Variants in SOX17 observed in about 807,000 individuals in gnomAD.
The protein encoded by SOX17 is transcription factor SOX-17.
A neutral mutation model predicts 16.0 loss-of-function variants in SOX17; 4 were observed. The observed-to-expected ratio is 0.25, with a 90% confidence interval of 0.12 to 0.57. SOX17 has a LOEUF of 0.57. Among genes scored for constraint, SOX17 ranks in the 20% least tolerant of loss-of-function variants. The probability of loss-of-function intolerance (pLI) is 0.92; values close to 1 mark genes in which losing one functional copy is unlikely to be tolerated. For synonymous variants in SOX17, 357 were observed against 284.6 expected, an observed-to-expected ratio of 1.25 and a Z score of -2.56; for missense variants, 633 against 609.7, an observed-to-expected ratio of 1.04 and a Z score of -0.40.
At position 54,459,702 on chromosome 8, in the gene SOX17, C is replaced by T; in HGVS notation, c.952C>T (p.Gln318Ter). 6.5e-7 allele frequency: 1 copy of T among 1,542,538 alleles called. No homozygotes were observed. ...CGGCTTCCAGATGCAGCCGCAACAC[C>T]AGCACCAGCACCAGCACCAGCACCA... ...GRGFQMQPQH[Q>*]HQHQHQHHPP... The change falls in exon 2 of 2, where the codon CAG (glutamine) becomes TAG (stop). Residue 318 changes from glutamine (Q) to a stop codon, truncating the protein, a stop_gained. Transcript: ENST00000297316. LOFTEE classifies it high-confidence loss of function.
chr8:54,458,186 C>T lies in SOX17; in HGVS notation c.48C>T (p.Thr16=). ...ACGCCAGTGACGACCAGAGCCAGACCCAGAGCGCGCTGCCCGCGGTGATGG... is the reference window on the plus strand; with the variant it reads ...ACGCCAGTGACGACCAGAGCCAGACTCAGAGCGCGCTGCCCGCGGTGATGG... The part of the protein sequence containing the change: ...AGYASDDQSQ[T]QSALPAVMAG... The change falls in exon 1 of 2, where the codon ACC becomes ACT. Residue 16 remains threonine (T), a synonymous_variant. Transcript: ENST00000297316. 1.9e-6 allele frequency: 3 copies of T among 1,589,194 alleles called. No individual in the cohort carries two copies. The highest frequency in any genetic ancestry group is 2.6e-6 in the Non-Finnish European group (3 of 1,172,164).
chr8:54,459,481 A>G lies in SOX17; in HGVS notation c.731A>G (p.Asp244Gly). Residue 244 changes from aspartate (D) to glycine (G), a missense_variant, in exon 2 of 2, where the codon GAC (aspartate) becomes GGC (glycine). This residue lies in a region of SOX17 where 479 missense variants were observed against 397.2 expected (regional missense o/e 1.21). Transcript: ENST00000297316. ...PAFFAAPMPGDCPAAGTYSYA... is the reference protein window; with the variant it reads ...PAFFAAPMPGGCPAAGTYSYA... Reference sequence around the variant, plus strand: ...TTCTTCGCCGCCCCGATGCCCGGGGACTGCCCGGCGGCCGGCACCTACAGC... The same window carrying G: ...TTCTTCGCCGCCCCGATGCCCGGGGGCTGCCCGGCGGCCGGCACCTACAGC... 1.3e-6 allele frequency: 2 copies of G among 1,524,646 alleles called. No individual in the cohort carries two copies. Among genetic ancestry groups the G allele is most frequent in the Non-Finnish European group, 1.8e-6 (2 of 1,142,680 alleles). 94.4% of individuals were successfully genotyped at this position (1,524,646 alleles called of 1,614,324 possible).
Position 54,459,796 on chromosome 8 carries a change from G to A in SOX17, c.1046G>A (p.Ser349Asn), listed in dbSNP as rs1194638628. 1.2e-6 allele frequency: 2 copies of A among 1,608,300 alleles called. No individual in the cohort carries two copies. The highest frequency in any genetic ancestry group is 1.1e-5 in the South Asian group (1 of 90,348). ...ALPCRDGTDP[S>N]QPAELLGEVD... Reference sequence around the variant, plus strand: ...CCCTGCCGGGACGGCACGGACCCCAGTCAGCCCGCCGAGCTCCTCGGGGAG... The same window carrying A: ...CCCTGCCGGGACGGCACGGACCCCAATCAGCCCGCCGAGCTCCTCGGGGAG... The change falls in exon 2 of 2, where the codon AGT (serine) becomes AAT (asparagine). Residue 349 changes from serine (S) to asparagine (N), a missense_variant. Ser to Asn is a conservative substitution (Grantham distance 46). Around this residue, in one of 5 missense-constraint regions of SOX17, gnomAD observed 479 missense variants for 397.2 expected, o/e 1.21. Transcript: ENST00000297316.
At position 54,459,608 on chromosome 8, in the gene SOX17, C is replaced by A; in HGVS notation, c.858C>A (p.Leu286=). The A allele has an allele frequency of 6.5e-7, 1 of 1,540,860 alleles. No individual in the cohort carries two copies. Among genetic ancestry groups the A allele is most frequent in the Non-Finnish European group, 8.7e-7 (1 of 1,149,058 alleles). ...CCGCGGGTCCCTCGATTCCGGGCCTCCTGGCGCCACCCAGCGCCCTTCACG... is the reference window on the plus strand; with the variant it reads ...CCGCGGGTCCCTCGATTCCGGGCCTACTGGCGCCACCCAGCGCCCTTCACG... ...PEPAGPSIPG[L]LAPPSALHVY... is the part of the protein sequence containing the mutation. The change falls in exon 2 of 2, where the codon CTC becomes CTA. Residue 286 remains leucine, a synonymous_variant. Coordinates refer to ENST00000297316, the MANE Select transcript of SOX17 (RefSeq NM_022454.4).
Position 54,459,649 on chromosome 8 carries a change from T to G in SOX17, c.899T>G (p.Met300Arg). ...PSALHVYYGA[M>R]GSPGAGGGRG... ...GCCCTTCACGTGTACTACGGCGCGA[T>G]GGGCTCGCCCGGGGCGGGCGGCGGG... The change falls in exon 2 of 2, where the codon ATG becomes AGG. Residue 300 changes from methionine (M) to arginine (R), a missense_variant. Met to Arg is a moderately conservative substitution (Grantham distance 91). Coordinates refer to ENST00000297316, the MANE Select transcript of SOX17 (RefSeq NM_022454.4). 2 of 1,537,214 alleles carry G rather than the reference T, an allele frequency of 1.3e-6. No individual in the cohort carries two copies. The highest frequency in any genetic ancestry group is 1.7e-6 in the Non-Finnish European group (2 of 1,146,332).
Position 54,459,742 on chromosome 8 carries a change from G to A in SOX17, c.992G>A (p.Gly331Glu), listed in dbSNP as rs369076798. The A allele has an allele frequency of 3.2e-6, 5 of 1,567,872 alleles. No individual in the cohort carries two copies. The highest frequency in any genetic ancestry group is 4.3e-6 in the Non-Finnish European group (5 of 1,159,806). Reference protein sequence around the residue: ...HQHQHHPPGPGQPSPPPEALP... With the variant: ...HQHQHHPPGPEQPSPPPEALP... ...CACCAGCACCACCCCCCGGGCCCCGGACAGCCGTCGCCCCCTCCGGAGGCA... is the reference window on the plus strand; with the variant it reads ...CACCAGCACCACCCCCCGGGCCCCGAACAGCCGTCGCCCCCTCCGGAGGCA... Residue 331 changes from glycine (G) to glutamate (E), a missense_variant, in exon 2 of 2, where the codon GGA (glycine) becomes GAA (glutamate). This residue lies in a region of SOX17 where 479 missense variants were observed against 397.2 expected (regional missense o/e 1.21). Transcript: ENST00000297316.
In SOX17 at chr8:54,459,997, A is replaced by T. The variant is rs767116263; in HGVS notation, c.*2A>T. Reference sequence around the variant, plus strand: ...TACTGCAACTATCCTGACGTGTGACAGGTCCCTGATCCGCCCCAGCCTGCA... The same window carrying T: ...TACTGCAACTATCCTGACGTGTGACTGGTCCCTGATCCGCCCCAGCCTGCA... On this transcript the variant is annotated 3_prime_UTR_variant, in exon 2 of 2. Transcript: ENST00000297316. The T allele has an allele frequency of 1.9e-6, 3 of 1,613,578 alleles. No individual in the cohort carries two copies. In the African/African-American group the frequency reaches 4.0e-5, roughly 22 times the overall value.
At position 54,460,401 on chromosome 8, in the gene SOX17, A is replaced by G; in HGVS notation, c.*406A>G. 1 of 321,392 alleles carries G rather than the reference A, an allele frequency of 3.1e-6. No homozygotes were observed. 19.9% of individuals were successfully genotyped at this position (321,392 alleles called of 1,614,324 possible). On this transcript the variant is annotated 3_prime_UTR_variant, in exon 2 of 2. Coordinates refer to ENST00000297316, the MANE Select transcript of SOX17 (RefSeq NM_022454.4). Reference sequence around the variant, plus strand: ...TTTGCTCTACTAGTACCTCTGTCACACTAGTCTTATCAAAAACCAGTTCTT... The same window carrying G: ...TTTGCTCTACTAGTACCTCTGTCACGCTAGTCTTATCAAAAACCAGTTCTT...
chr8:54,459,343 A>C lies in SOX17; in HGVS notation c.593A>C (p.His198Pro). Residue 198 changes from histidine (H) to proline (P), a missense_variant, in exon 2 of 2, where the codon CAC becomes CCC. This residue lies in a region of SOX17 where 479 missense variants were observed against 397.2 expected (regional missense o/e 1.21). Coordinates refer to ENST00000297316, the MANE Select transcript of SOX17 (RefSeq NM_022454.4). ...FPAGPPLLPP[H>P]MGGHYRDCQS... ...GCCGGCCCGCCGCTGCTGCCTCCGC[A>C]CATGGGCGGCCACTACCGCGACTGC... is the stretch of plus-strand genomic sequence containing the variant. 1 of 1,551,926 alleles carries C rather than the reference A, an allele frequency of 6.4e-7. No individual in the cohort carries two copies.
intron 1 of SOX17, 29 bp from the exon 2 acceptor site, chr8:54,459,029 C>A (rs1430891432): frequency 6.4e-7 from 1 of 1,559,668 alleles, no homozygotes; most frequent in South Asian, 1.2e-5. Flanking sequence ...AAGCCCTGCG[C>A]CCCTCTCCCC....
chr8:54,459,395 C>T lies in SOX17; in HGVS notation c.645C>T (p.Asp215=). The change falls in exon 2 of 2, where the codon GAC becomes GAT. Residue 215 remains aspartate, a synonymous_variant. Transcript: ENST00000297316. ...DCQSLGAPPL[D]GYPLPTPDTS... ...AGAGTCTGGGCGCGCCTCCGCTCGA[C>T]GGCTACCCGTTGCCCACGCCCGACA... 6.4e-7 allele frequency: 1 copy of T among 1,555,436 alleles called. No homozygotes were observed. Among genetic ancestry groups the T allele is most frequent in the Non-Finnish European group, 8.6e-7 (1 of 1,161,184 alleles).
chr8:54,458,078 G>T lies in SOX17; in HGVS notation c.-61G>T. On this transcript the variant is annotated 5_prime_UTR_variant, in exon 1 of 2. Transcript: ENST00000297316. ...GCCTCACTCCCCACCCCCTCCCCCG[G>T]GTCGGGGGAGGCGGCGCGTCCGGCG... The T allele has an allele frequency of 7.0e-7, 1 of 1,422,174 alleles. No homozygotes were observed. Among genetic ancestry groups the T allele is most frequent in the Non-Finnish European group, 9.2e-7 (1 of 1,092,836 alleles). 88.1% of individuals were successfully genotyped at this position (1,422,174 alleles called of 1,614,324 possible).
At position 54,459,996 on chromosome 8, in the gene SOX17, C is replaced by T; in HGVS notation, c.*1C>T. 1 of 1,613,708 alleles carries T rather than the reference C, an allele frequency of 6.2e-7. No homozygotes were observed. The highest frequency in any genetic ancestry group is 8.5e-7 in the Non-Finnish European group (1 of 1,180,030). On this transcript the variant is annotated 3_prime_UTR_variant, in exon 2 of 2. Coordinates refer to ENST00000297316, the MANE Select transcript of SOX17 (RefSeq NM_022454.4). Reference sequence around the variant, plus strand: ...TTACTGCAACTATCCTGACGTGTGACAGGTCCCTGATCCGCCCCAGCCTGC... The same window carrying T: ...TTACTGCAACTATCCTGACGTGTGATAGGTCCCTGATCCGCCCCAGCCTGC...
chr8:54,459,677 C>A lies in SOX17; in HGVS notation c.927C>A (p.Arg309=), dbSNP rs994740539. The A allele has an allele frequency of 3.5e-5, 54 of 1,537,286 alleles. No individual in the cohort carries two copies. The highest frequency in any genetic ancestry group is 4.5e-5 in the Non-Finnish European group (52 of 1,146,278). Residue 309 remains arginine, a synonymous_variant, in exon 2 of 2, where the codon CGC becomes CGA. Coordinates refer to ENST00000297316, the MANE Select transcript of SOX17 (RefSeq NM_022454.4). ...GCTCGCCCGGGGCGGGCGGCGGGCG[C>A]GGCTTCCAGATGCAGCCGCAACACC... ...AMGSPGAGGG[R]GFQMQPQHQH...
chr8:54,460,851 A>C lies in SOX17; in HGVS notation c.*856A>C. 1 of 222,714 alleles carries C rather than the reference A, an allele frequency of 4.5e-6. No homozygotes were observed. Among genetic ancestry groups the C allele is most frequent in the Non-Finnish European group, 9.0e-6 (1 of 111,528 alleles). The allele number at this position is 222,714 out of a possible 1,614,324, so 13.8% of individuals were successfully genotyped here. On this transcript the variant is annotated 3_prime_UTR_variant, in exon 2 of 2. Coordinates refer to ENST00000297316, the MANE Select transcript of SOX17 (RefSeq NM_022454.4). ...GCTGGGTTTAAGATAAAGGAGTCAC[A>C]AAAACTAATCAAAATAAAATTTGCA...
At position 54,459,373 on chromosome 8, in the gene SOX17, G is replaced by T; in HGVS notation, c.623G>T (p.Ser208Ile). 6.4e-7 allele frequency: 1 copy of T among 1,559,426 alleles called. No homozygotes were observed. The highest frequency in any genetic ancestry group is 8.6e-7 in the Non-Finnish European group (1 of 1,163,714). ...HMGGHYRDCQ[S>I]LGAPPLDGYP... ...GGCGGCCACTACCGCGACTGCCAGAGTCTGGGCGCGCCTCCGCTCGACGGC... is the reference window on the plus strand; with the variant it reads ...GGCGGCCACTACCGCGACTGCCAGATTCTGGGCGCGCCTCCGCTCGACGGC... The change falls in exon 2 of 2, where the codon AGT becomes ATT. Residue 208 changes from serine (S) to isoleucine (I), a missense_variant. By Grantham distance (142) the Ser-to-Ile change is moderately radical. Coordinates refer to ENST00000297316, the MANE Select transcript of SOX17 (RefSeq NM_022454.4).
chr8:54,459,831 A>T lies in SOX17; in HGVS notation c.1081A>T (p.Thr361Ser). The T allele has an allele frequency of 6.2e-7, 1 of 1,613,394 alleles. No individual in the cohort carries two copies. The highest frequency in any genetic ancestry group is 8.5e-7 in the Non-Finnish European group (1 of 1,179,918). Reference sequence around the variant, plus strand: ...CGAGCTCCTCGGGGAGGTGGACCGCACGGAATTTGAACAGTATCTGCACTT... The same window carrying T: ...CGAGCTCCTCGGGGAGGTGGACCGCTCGGAATTTGAACAGTATCTGCACTT... ...PAELLGEVDR[T>S]EFEQYLHFVC... The change falls in exon 2 of 2, where the codon ACG (threonine) becomes TCG (serine). Residue 361 changes from threonine to serine, a missense_variant. Physicochemically the swap from Thr to Ser is moderately conservative, Grantham distance 58. This residue lies in a region of SOX17 where 479 missense variants were observed against 397.2 expected (regional missense o/e 1.21). Coordinates refer to ENST00000297316, the MANE Select transcript of SOX17 (RefSeq NM_022454.4).
intron 1 of SOX17, 49 bp from the exon 2 acceptor site, chr8:54,459,009 C>T (rs1340465360): frequency 1.3e-6 from 2 of 1,485,208 alleles, no homozygotes; most frequent in East Asian, 5.2e-5. Context: ...GGAGCGGGAG[C>T]GCAGCCGATA....
Position 54,459,695 on chromosome 8 carries a change from G to T in SOX17, c.945G>T (p.Pro315=), listed in dbSNP as rs1169873361. Residue 315 remains proline (P), a synonymous_variant, in exon 2 of 2, where the codon CCG becomes CCT. Coordinates refer to ENST00000297316, the MANE Select transcript of SOX17 (RefSeq NM_022454.4). ...GCGGGCGCGGCTTCCAGATGCAGCCGCAACACCAGCACCAGCACCAGCACC... is the reference window on the plus strand; with the variant it reads ...GCGGGCGCGGCTTCCAGATGCAGCCTCAACACCAGCACCAGCACCAGCACC... ...AGGGRGFQMQ[P]QHQHQHQHQH... The T allele has an allele frequency of 1.6e-5, 25 of 1,538,052 alleles. No homozygotes were observed. The highest frequency in any genetic ancestry group is 1.7e-5 in the Non-Finnish European group (20 of 1,146,094).
Sources: gnomAD v4.1 joint callset for allele counts on GRCh38, gnomAD v4.1.1 for gene constraint, gnomAD v4.1.1 regional missense constraint, MANE v1.5 for transcripts, NCBI Gene and HGNC (gene_info 2026-07-23, HGNC 2026-07-21) for gene names.